The following PWWP2A variants were observed in gnomAD, a reference collection of about 807,000 sequenced individuals.
PWWP2A encodes PWWP domain containing 2A, also known as PWWP domain-containing protein 2A.
In PWWP2A, 18 loss-of-function variants were observed where a neutral mutation model predicts 48.5. The observed-to-expected ratio is 0.37, with a 90% confidence interval of 0.26 to 0.55. PWWP2A has a LOEUF of 0.55. PWWP2A is among the 20% of genes least tolerant of loss of function. PWWP2A has a pLI of 0.81. For synonymous variants in PWWP2A, 396 were observed against 387.7 expected (o/e 1.02, Z -0.25); for missense variants, 867 against 976.4 (o/e 0.89, Z 1.49).
At chr5:160,083,930 T>G (rs1225254568) in intron 2 of PWWP2A, among the ~76,000 whole-genome samples, 1 of 152,234 alleles carries the variant, frequency 6.6e-6, no homozygotes, top group Non-Finnish European at 1.5e-5. Context: ...TTCGATTCAG[T>G]TAACCTCTGC....
chr5:160,111,686 CTATATATCAAAAT>C (rs1458508003), intron 1 of PWWP2A, among the ~76,000 whole-genome samples: 1 of 152,054 alleles, frequency 6.6e-6, no homozygotes, highest in Admixed American at 6.6e-5. Flanking sequence ...GGAATGCTTA[CTATATATCAAAAT>C]TTAAAAAGCT....
intron 1 of PWWP2A, chr5:160,113,081 C>G (rs989666647): frequency 1.3e-5 from 3 of 234,362 alleles, no homozygotes; most frequent in Non-Finnish European, 2.1e-5. Flanking sequence ...CTGCTTGAAC[C>G]ACGGAGATGG....
At chr5:160,095,082 A>C (rs981146385) in intron 1 of PWWP2A, among the ~76,000 whole-genome samples, 5 of 146,284 alleles carry the variant, frequency 3.4e-5, no homozygotes, top group Non-Finnish European at 7.5e-5. Flanking sequence ...AAAAAAGACT[A>C]CTTATGAATG....
chr5:160,084,288 TGTGTAAGTG>T (rs986229243), intron 2 of PWWP2A, among the ~76,000 whole-genome samples: 1 of 152,204 alleles, frequency 6.6e-6, no homozygotes, highest in Non-Finnish European at 1.5e-5. Context: ...GATCACATAG[TGTGTAAGTG>T]GCTGATCAAA....
At chr5:160,079,850 T>C (rs1162349541) in intron 3 of PWWP2A, among the ~76,000 whole-genome samples, 3 of 152,150 alleles carry the variant, frequency 2.0e-5, no homozygotes, top group Admixed American at 6.5e-5. Flanking sequence ...AGCTGCAATC[T>C]CTAATCCAAA....
rs1288755434 is a variant in PWWP2A at position 160,119,240 on chromosome 5, G to C, written c.149C>G (p.Pro50Arg). ...TTGCTGCCCGTCAGTCTCGCCATCC[G>C]GCACAGACGCTTCAGTGGCCGTGAC... ...LPVTATEASV[P>R]DGETDGQQSA... Residue 50 changes from proline (P) to arginine (R), a missense_variant, in exon 1 of 2, where the codon CCG (proline) becomes CGG (arginine). By Grantham distance (103) the Pro-to-Arg change is moderately radical. Coordinates refer to ENST00000307063, the MANE Select transcript of PWWP2A (RefSeq NM_001130864.2). 2 of 1,422,842 alleles carry C rather than the reference G, an allele frequency of 1.4e-6. No homozygotes were observed. The highest frequency in any genetic ancestry group is 1.8e-6 in the Non-Finnish European group (2 of 1,100,232). 88.1% of individuals were successfully genotyped at this position (1,422,842 alleles called of 1,614,324 possible).
In PWWP2A at chr5:160,066,201, C is replaced by G. The variant is rs1000077920; in HGVS notation, c.*236+347G>C. The stretch of plus-strand genomic sequence containing the variant: ...GAAAATGTGTGTGTGAAAAATCACA[C>G]AAGTTGTATGGAAACCGTGTGGAAT... On this transcript the variant is annotated intron_variant and NMD_transcript_variant, in intron 4 of 5. Coordinates refer to the PWWP2A transcript ENST00000524050. 4.0e-5 allele frequency among the ~76,000 whole-genome samples: 6 copies of G among 150,778 alleles called. No homozygotes were observed. The East Asian group carries it at 1.2e-3, about 29-fold the overall frequency.
chr5:160,113,066 G>A, intron 1 of PWWP2A: 1 of 189,266 alleles, frequency 5.3e-6, no homozygotes, highest in Non-Finnish European at 9.8e-6. Flanking sequence ...GGCTGAGGCA[G>A]GGAACTGCTT....
Position 160,093,591 on chromosome 5 carries a change from C to T in PWWP2A, c.1059G>A (p.Arg353=). ...TCACAGTAGTTACACTTTCATTTCT[C>T]CGTTTTTTATCTTCATATTTAGAAG... ...TDSSKYEDKK[R]RNESVTTVNK... Residue 353 remains arginine (R), a synonymous_variant, in exon 2 of 2, where the codon CGG becomes CGA. Transcript: ENST00000307063. This position sits in a 1 kb window ranked among gnomAD's most constrained non-coding sequence, Gnocchi z 5.8. 1 of 1,613,514 alleles carries T rather than the reference C, an allele frequency of 6.2e-7. No homozygotes were observed.
At chr5:160,066,295 C>CTTTTTTTTTTTTTTTTTTTT (rs748083955) in intron 4 of PWWP2A, among the ~76,000 whole-genome samples, 1 of 57,948 alleles carries the variant, frequency 1.7e-5, no homozygotes, top group African/African-American at 5.6e-5. Flanking sequence ...AAGTGGTTCT[C>CTTTTTTTTTTTTTTTTTTTT]ATTTTTTTTT....
chr5:160,047,135 G>C, the PWWP2A span, among the ~76,000 whole-genome samples: 1 of 152,256 alleles, frequency 6.6e-6, no homozygotes, highest in African/African-American at 2.4e-5. Context: ...CCATGTGTAT[G>C]GCAGAGTTTC....
the PWWP2A span, among the ~76,000 whole-genome samples, chr5:160,047,198 A>G: frequency 6.6e-6 from 1 of 152,138 alleles, no homozygotes; most frequent in African/African-American, 2.4e-5. Flanking sequence ...ATCCCACTGC[A>G]AAGTTCTTTC....
At chr5:160,050,777 C>T in the PWWP2A span, among the ~76,000 whole-genome samples, 1 of 152,022 alleles carries the variant, frequency 6.6e-6, no homozygotes, top group African/African-American at 2.4e-5. Flanking sequence ...AGACACATGC[C>T]AACACACCCA....
At chr5:160,059,347 T>C (rs4623188), downstream of PWWP2A, among the ~76,000 whole-genome samples, 92,147 of 152,096 alleles carry the variant, frequency 0.61, 27,908 homozygotes, top group East Asian at 0.62. Context: ...CTTAAAGCAG[T>C]TTCCTCACTC....
downstream of PWWP2A, among the ~76,000 whole-genome samples, chr5:160,075,004 G>A (rs1753834503): frequency 6.6e-6 from 1 of 151,998 alleles, no homozygotes; most frequent in Non-Finnish European, 1.5e-5. Flanking sequence ...CTTATGTGAA[G>A]GCCAGCATTG....
intron 2 of PWWP2A, among the ~76,000 whole-genome samples, chr5:160,083,570 G>T (rs1754399557): frequency 1.3e-5 from 2 of 152,204 alleles, no homozygotes; most frequent in Admixed American, 6.5e-5. Flanking sequence ...CCCAAAAGCT[G>T]ACAAATGTAG....
Position 160,093,179 on chromosome 5 carries a change from T to G in PWWP2A, c.1471A>C (p.Lys491Gln). Residue 491 changes from lysine to glutamine, a missense_variant, in exon 2 of 2, where the codon AAG becomes CAG. Coordinates refer to ENST00000307063, the MANE Select transcript of PWWP2A (RefSeq NM_001130864.2). The surrounding 1 kb of genome is among the most constrained non-coding windows in gnomAD (Gnocchi z 5.8). ...CTCCGCATTTTCTCAAGTCCTGTCT[T>G]CAGAGAAGAGTCATTTTCTTCATTC... The part of the protein sequence containing the change: ...YRNEENDSSL[K>Q]TGLEKMRSGK... 1.9e-6 allele frequency: 3 copies of G among 1,613,982 alleles called. No homozygotes were observed. The highest frequency in any genetic ancestry group is 2.5e-6 in the Non-Finnish European group (3 of 1,179,890).
chr5:160,055,028 C>CT, the PWWP2A span, among the ~76,000 whole-genome samples: 9 of 152,112 alleles, frequency 5.9e-5, no homozygotes, highest in Non-Finnish European at 8.8e-5. Context: ...GAGTGCCTTC[C>CT]TGGGGGTTGG....
At chr5:160,079,174 A>G (rs1168356651) in intron 3 of PWWP2A, among the ~76,000 whole-genome samples, 1 of 152,182 alleles carries the variant, frequency 6.6e-6, no homozygotes, top group Non-Finnish European at 1.5e-5. Context: ...TGCAACAAGG[A>G]AAACAGAAAA....
Sources: gnomAD v4.1 joint callset for allele counts (sites outside exome capture counted in the v4.1 genomes callset) on GRCh38, gnomAD v4.1.1 for gene constraint, Gnocchi (gnomAD v3.1) non-coding constraint, MANE v1.5 for transcripts, NCBI Gene and HGNC (gene_info 2026-07-23, HGNC 2026-07-21) for gene names.